The following IGF1 variants were observed in gnomAD, a reference collection of about 807,000 sequenced individuals.
IGF1 encodes insulin-like growth factor 1.
IGF1 carries 4 observed loss-of-function variants against 13.8 expected under a neutral mutation model. That is an observed-to-expected ratio of 0.29 (90% CI 0.14 to 0.66). The LOEUF (loss-of-function observed/expected upper bound fraction) is 0.66, where lower values mean the gene tolerates loss of function less well. Ranked by LOEUF, IGF1 falls within the 30% of genes least tolerant of loss-of-function variation. IGF1 has a pLI of 0.78. For missense variants in IGF1, 124 were observed against 188.5 expected, an observed-to-expected ratio of 0.66 and a Z score of 2.00; for synonymous variants, 76 against 72.6, an observed-to-expected ratio of 1.05 and a Z score of -0.23.
chr12:102,441,966 T>TCTTCTTCTTCTTCTTCTTCTTCC (rs1877898504), intron 2 of IGF1, among the ~76,000 whole-genome samples: 1 of 148,408 alleles, frequency 6.7e-6, no homozygotes. Context: ...TTTTTTTTTT[T>TCTTCTTCTTCTTCTTCTTCTTCC]TGAGACAGGG....
chr12:102,441,955 C>CTTCTTCTTCTTCTTCTTCTTCT (rs1555244164), intron 2 of IGF1, among the ~76,000 whole-genome samples: 7 of 140,054 alleles, frequency 5.0e-5, no homozygotes, highest in East Asian at 2.0e-4. Flanking sequence ...TCTTCTTCTT[C>CTTCTTCTTCTTCTTCTTCTTCT]TTTTTTTTTT....
At chr12:102,417,844 C>T (rs1875292209) in intron 3 of IGF1, 1 of 1,613,764 alleles carries the variant, frequency 6.2e-7, no homozygotes, top group African/African-American at 1.3e-5. Flanking sequence ...CCTCTGCATT[C>T]AGCATTTCTA....
In IGF1 at chr12:102,476,464, A is replaced by C. The variant is rs143686962; in HGVS notation, c.64-665T>G. On this transcript the variant is annotated intron_variant, in intron 1 of 3. Coordinates refer to ENST00000337514, the MANE Select transcript of IGF1 (RefSeq NM_000618.5). Reference sequence around the variant, plus strand: ...GAGAGACTGATTCCTTACCTGGGGCATATCAGCAGTTGACACAACCACAAA... The same window carrying C: ...GAGAGACTGATTCCTTACCTGGGGCCTATCAGCAGTTGACACAACCACAAA... 3.0e-4 allele frequency among the ~76,000 whole-genome samples: 45 copies of C among 149,098 alleles called. No individual in the cohort carries two copies. In the East Asian group the frequency reaches 8.5e-3, roughly 28 times the overall value.
At chr12:102,437,535 T>C (rs1261813608) in intron 2 of IGF1, among the ~76,000 whole-genome samples, 1 of 152,252 alleles carries the variant, frequency 6.6e-6, no homozygotes, top group Non-Finnish European at 1.5e-5. Context: ...AGACAAATAC[T>C]ATATGATCTC....
intron 2 of IGF1, among the ~76,000 whole-genome samples, chr12:102,456,861 C>A (rs954252362): frequency 2.6e-5 from 4 of 152,194 alleles, no homozygotes; most frequent in Non-Finnish European, 5.9e-5. Flanking sequence ...CCACTTTCAA[C>A]TTCAGGATGT....
intron 3 of IGF1, among the ~76,000 whole-genome samples, chr12:102,409,917 A>G (rs1475469998): frequency 6.6e-6 from 1 of 152,230 alleles, no homozygotes; most frequent in African/African-American, 2.4e-5. Context: ...AGCAGTTTGC[A>G]TGCTAGAGTG....
intron 2 of IGF1, among the ~76,000 whole-genome samples, chr12:102,449,452 C>G (rs1172157355): frequency 6.6e-6 from 1 of 151,878 alleles, no homozygotes; most frequent in East Asian, 1.9e-4. Flanking sequence ...TAGGTGACGG[C>G]TTGATGGGTG....
chr12:102,436,162 T>C (rs1456900012), intron 2 of IGF1, among the ~76,000 whole-genome samples: 1 of 152,186 alleles, frequency 6.6e-6, no homozygotes, highest in Non-Finnish European at 1.5e-5. Context: ...CAAACTGAAC[T>C]GAAACAAAAA....
intron 1 of IGF1, among the ~76,000 whole-genome samples, chr12:102,476,079 C>T (rs1477408450): frequency 6.6e-6 from 1 of 152,108 alleles, no homozygotes; most frequent in Non-Finnish European, 1.5e-5. Context: ...TGAATTGAGA[C>T]AAAATATCTA....
chr12:102,434,748 T>G (rs1255574229), intron 2 of IGF1, among the ~76,000 whole-genome samples: 9 of 151,806 alleles, frequency 5.9e-5, no homozygotes, highest in Admixed American at 5.9e-4. Flanking sequence ...GTTGAACTAG[T>G]TTACAGTCCC....
At chr12:102,405,610 C>T (rs1049892614) in intron 3 of IGF1, among the ~76,000 whole-genome samples, 3 of 152,174 alleles carry the variant, frequency 2.0e-5, no homozygotes, top group Non-Finnish European at 2.9e-5. Flanking sequence ...GGCGGAGAAA[C>T]ACACTAATTT....
chr12:102,449,168 A>G (rs756593746), intron 2 of IGF1, among the ~76,000 whole-genome samples: 18 of 152,228 alleles, frequency 1.2e-4, no homozygotes, highest in Non-Finnish European at 2.2e-4. Flanking sequence ...TCAGTGATAG[A>G]CTGGAAGAAG....
rs1444338964 is a variant in IGF1, at chr12:102,397,563, G to C, written c.*4944C>G. On this transcript the variant is annotated 3_prime_UTR_variant, in exon 4 of 4. Transcript: ENST00000337514. The stretch of plus-strand genomic sequence containing the variant: ...ATGTATCACTTTCTAATACCTAACA[G>C]GAAGGTCTTATAAAATATTAAAATA... 6.6e-6 allele frequency: 1 copy of C among 152,086 alleles called. No individual in the cohort carries two copies. Among genetic ancestry groups the C allele is most frequent in the African/African-American group, 2.4e-5 (1 of 41,402 alleles). The allele number at this position is 152,086 out of a possible 1,614,324, so 9.4% of individuals were successfully genotyped here.
In IGF1 at chr12:102,423,259, G is replaced by GA. The variant is rs138450873; in HGVS notation, c.221-3570dup. ...TTTAATTGTCCTTACTCGATGCTAC[G>GA]AAAAAAAAAAAAAAAAAAAAAAAAA... is the stretch of plus-strand genomic sequence containing the variant. On this transcript the variant is annotated intron_variant, in intron 2 of 3. Transcript: ENST00000337514. The GA allele has an allele frequency of 8.2e-3, 355 of 43,140 alleles. 32 individuals are homozygous for GA. Among genetic ancestry groups the GA allele is most frequent in the East Asian group, 0.019 (22 of 1,188 alleles). 2.7% of individuals were successfully genotyped at this position (43,140 alleles called of 1,614,324 possible).
chr12:102,449,683 G>A (rs927757990), intron 2 of IGF1, among the ~76,000 whole-genome samples: 3 of 142,892 alleles, frequency 2.1e-5, no homozygotes, highest in African/African-American at 7.6e-5. Context: ...TCAGAGAAGG[G>A]ACATCCTGAG....
intron 2 of IGF1, among the ~76,000 whole-genome samples, chr12:102,455,375 A>G (rs1879303210): frequency 6.6e-6 from 1 of 152,248 alleles, no homozygotes; most frequent in Non-Finnish European, 1.5e-5. Flanking sequence ...AAACAGTTCT[A>G]AGAATGTTAT....
intron 2 of IGF1, among the ~76,000 whole-genome samples, chr12:102,456,314 G>A (rs879525939): frequency 2.7e-5 from 4 of 145,634 alleles, no homozygotes; most frequent in East Asian, 2.2e-4. Context: ...ATGAACAAAC[G>A]CACTTCAAAG....
intron 2 of IGF1, 141 bp downstream of exon 2, chr12:102,475,502 T>A: frequency 1.1e-6 from 1 of 949,652 alleles, no homozygotes; most frequent in Admixed American, 2.0e-5. Context: ...ATGCTTACTT[T>A]AAGGTGAGGA....
rs775047275 is a variant in IGF1, at chr12:102,478,536, G to T, written c.63+1783C>A. On this transcript the variant is annotated intron_variant, in intron 1 of 3. Coordinates refer to ENST00000337514, the MANE Select transcript of IGF1 (RefSeq NM_000618.5). ...TTCCAGGTCTTTTACAGCAGGTCAG[G>T]GTGGGTATTATGAGGCCGATGTGAA... 8 of 1,610,376 alleles carry T rather than the reference G, an allele frequency of 5.0e-6. No homozygotes were observed. In the Admixed American group the frequency reaches 1.3e-4, roughly 27 times the overall value.
Sources: gnomAD v4.1 joint callset for allele counts (sites outside exome capture counted in the v4.1 genomes callset) on GRCh38, gnomAD v4.1.1 for gene constraint, MANE v1.5 for transcripts, NCBI Gene and HGNC (gene_info 2026-07-23, HGNC 2026-07-21) for gene names.